Variants in RHOBTB3 observed in about 807,000 individuals in gnomAD.
The protein encoded by RHOBTB3 is Rho related BTB domain containing 3.
Under a neutral mutation model 67.2 loss-of-function variants are expected in RHOBTB3, and 47 were observed. That is an observed-to-expected ratio of 0.70 (90% CI 0.55 to 0.89). The LOEUF (loss-of-function observed/expected upper bound fraction) is 0.89. RHOBTB3 is among the 40% of genes least tolerant of loss of function. The pLI is 0.00. For synonymous variants in RHOBTB3, 273 were observed against 274.2 expected, an observed-to-expected ratio of 1.00 and a Z score of 0.04; for missense variants, 631 against 750.0, an observed-to-expected ratio of 0.84 and a Z score of 1.85.
At chr5:95,775,430 ATATAC>A (rs1745844575) in intron 8 of RHOBTB3, among the ~76,000 whole-genome samples, 1 of 148,992 alleles carries the variant, frequency 6.7e-6, no homozygotes. Flanking sequence ...ATACACATAT[ATATAC>A]TATTAAACAT....
At chr5:95,761,560 C>T (rs1745394520) in intron 6 of RHOBTB3, among the ~76,000 whole-genome samples, 2 of 152,034 alleles carry the variant, frequency 1.3e-5, no homozygotes, top group South Asian at 4.1e-4. Context: ...CCAGGCTGGT[C>T]TCGAACTCAG....
At chr5:95,762,744 A>C (rs73136275) in intron 6 of RHOBTB3, among the ~76,000 whole-genome samples, 2,663 of 152,308 alleles carry the variant, frequency 0.017, 82 homozygotes, top group African/African-American at 0.062. Flanking sequence ...GATGGGGAAA[A>C]GGCTGTTAGG....
intron 4 of RHOBTB3, 28 bp from the exon 5 acceptor site, chr5:95,752,211 T>G (rs373241308): frequency 2.5e-5 from 34 of 1,333,580 alleles, no homozygotes; most frequent in Non-Finnish European, 3.6e-5. Context: ...TTGTTGGATC[T>G]TCAATTAAAA....
chr5:95,735,965 G>A (rs978527862), intron 2 of RHOBTB3, among the ~76,000 whole-genome samples: 2 of 152,124 alleles, frequency 1.3e-5, no homozygotes, highest in Non-Finnish European at 2.9e-5. Context: ...TAGCCGGAAT[G>A]GTGGTACACA....
intron 1 of RHOBTB3, 41 bp downstream of exon 1, chr5:95,731,725 G>T: frequency 6.2e-7 from 1 of 1,612,626 alleles, no homozygotes; most frequent in South Asian, 1.1e-5. Context: ...TCTCTCCAGC[G>T]CGTGCCGTGC....
At chr5:95,751,935 G>A (rs977224112) in intron 4 of RHOBTB3, among the ~76,000 whole-genome samples, 2 of 152,082 alleles carry the variant, frequency 1.3e-5, no homozygotes, top group East Asian at 1.9e-4. Flanking sequence ...CCAGTCTATC[G>A]GTGATGGACA....
In RHOBTB3 at chr5:95,731,973, G is replaced by T. The variant is rs374008783; in HGVS notation, c.117G>T (p.Glu39Asp). The T allele has an allele frequency of 3.2e-5, 52 of 1,614,086 alleles. No individual in the cohort carries two copies. The highest frequency in any genetic ancestry group is 6.7e-5 in the African/African-American group (5 of 74,932). Reference sequence around the variant, plus strand: ...GAAGCCCTCTGGTCTCCGGGGACGAGAGCAGCTTGTTGCTGAACGCGGCCA... The same window carrying T: ...GAAGCCCTCTGGTCTCCGGGGACGATAGCAGCTTGTTGCTGAACGCGGCCA... ...LGRSPLVSGDESSLLLNAAST... is the reference protein window; with the variant it reads ...LGRSPLVSGDDSSLLLNAAST... The change falls in exon 2 of 12, where the codon GAG becomes GAT. Residue 39 changes from glutamate to aspartate, a missense_variant. Transcript: ENST00000379982.
At chr5:95,739,458 T>C (rs1205102159) in intron 3 of RHOBTB3, among the ~76,000 whole-genome samples, 1 of 152,204 alleles carries the variant, frequency 6.6e-6, no homozygotes, top group Non-Finnish European at 1.5e-5. Flanking sequence ...AAATAACAGA[T>C]ACATATATGT....
At chr5:95,774,917 T>C (rs1182350133) in intron 8 of RHOBTB3, among the ~76,000 whole-genome samples, 1 of 152,168 alleles carries the variant, frequency 6.6e-6, no homozygotes, top group Non-Finnish European at 1.5e-5. Flanking sequence ...ATGATAGCAT[T>C]GACTCTGGCA....
At chr5:95,764,293 TCTCA>T (rs1488720084) in intron 7 of RHOBTB3, among the ~76,000 whole-genome samples, 2 of 152,168 alleles carry the variant, frequency 1.3e-5, no homozygotes, top group Non-Finnish European at 2.9e-5. Flanking sequence ...GAGGGTGCCT[TCTCA>T]CTCCTCACAA....
In RHOBTB3 at chr5:95,788,787, C is replaced by T; in HGVS notation, c.1649C>T (p.Thr550Ile). The T allele has an allele frequency of 6.3e-7, 1 of 1,590,448 alleles. No individual in the cohort carries two copies. Among genetic ancestry groups the T allele is most frequent in the Non-Finnish European group, 8.5e-7 (1 of 1,171,456 alleles). Residue 550 changes from threonine to isoleucine, a missense_variant, in exon 11 of 12, where the codon ACC becomes ATC. Transcript: ENST00000379982. The part of the protein sequence containing the change: ...AKFHHSDCLS[T>I]WLLHFIATNY... ...TTTCACCACTCTGATTGCCTTTCAA[C>T]CTGGCTACTTCATTTCATTGCTACT...
At chr5:95,723,582 AT>A in intron 1 of RHOBTB3, among the ~76,000 whole-genome samples, 1 of 152,274 alleles carries the variant, frequency 6.6e-6, no homozygotes, top group South Asian at 2.1e-4. Context: ...CTAATCTTGA[AT>A]TTTATAAATT....
intron 8 of RHOBTB3, chr5:95,770,266 G>T (rs1580419272): frequency 3.3e-6 from 1 of 299,954 alleles, no homozygotes; most frequent in East Asian, 8.7e-5. Flanking sequence ...GAAAGACAGA[G>T]TTACAGATGC....
intron 6 of RHOBTB3, among the ~76,000 whole-genome samples, chr5:95,758,198 A>G (rs1745302820): frequency 6.6e-6 from 1 of 152,108 alleles, no homozygotes; most frequent in African/African-American, 2.4e-5. Flanking sequence ...TCCTAGGGGG[A>G]GTGCTTTATT....
chr5:95,789,083 T>G (rs1049797335), intron 11 of RHOBTB3: 38 of 425,598 alleles, frequency 8.9e-5, no homozygotes, highest in Non-Finnish European at 1.5e-4. Context: ...GATTATTTTA[T>G]AGCTCCATCC....
intron 8 of RHOBTB3, chr5:95,779,965 G>A: frequency 2.6e-6 from 1 of 382,196 alleles, no homozygotes; most frequent in Non-Finnish European, 4.7e-6. Context: ...AAAATATGAA[G>A]CAAAATACTT....
At chr5:95,788,704 C>T in intron 10 of RHOBTB3, 58 bp from the exon 11 acceptor site, 1 of 1,155,718 alleles carries the variant, frequency 8.7e-7, no homozygotes, top group East Asian at 2.5e-5. Flanking sequence ...TTCTCTTGAT[C>T]TTATCATACC....
At chr5:95,782,463 G>C (rs2112832136) in intron 9 of RHOBTB3, 1 of 152,350 alleles carries the variant, frequency 6.6e-6, no homozygotes, top group African/African-American at 2.4e-5. Flanking sequence ...TGGTGGTGAT[G>C]ACTGCACAGC....
At chr5:95,741,993 G>A (rs1425836643) in intron 3 of RHOBTB3, among the ~76,000 whole-genome samples, 1 of 152,142 alleles carries the variant, frequency 6.6e-6, no homozygotes, top group Non-Finnish European at 1.5e-5. Context: ...TTTGCTTGCA[G>A]GGAGTCATTT....
Sources: allele counts gnomAD v4.1 joint callset (sites outside exome capture counted in the v4.1 genomes callset), GRCh38; gene constraint gnomAD v4.1.1; transcripts MANE v1.5; gene names NCBI Gene and HGNC (gene_info 2026-07-23, HGNC 2026-07-21).